Variants in NLRC5 observed in about 807,000 individuals in gnomAD.
NLRC5 encodes the protein protein NLRC5.
Under a neutral mutation model 206.9 loss-of-function variants are expected in NLRC5, and 114 were observed. The ratio of observed to expected loss-of-function variants is 0.55; its 90% CI spans 0.47 to 0.64. NLRC5 has a LOEUF of 0.64. NLRC5 is among the 30% of genes least tolerant of loss of function. The probability of loss-of-function intolerance (pLI) is 0.00; values close to 1 mark genes in which losing one functional copy is unlikely to be tolerated. For synonymous variants in NLRC5, 952 were observed against 962.8 expected (o/e 0.99, Z 0.21); for missense variants, 2,008 against 2,305.5 (o/e 0.87, Z 2.64).
At chr16:57,076,063 A>G in intron 39 of NLRC5, 1 of 198,188 alleles carries the variant, frequency 5.0e-6, no homozygotes, top group South Asian at 5.3e-5. Context: ...ACAGGTATGC[A>G]CCACCACGCC....
chr16:57,041,944 C>A (rs866223606), intron 18 of NLRC5, 38 bp from the exon 19 acceptor site: 24 of 1,428,042 alleles, frequency 1.7e-5, no homozygotes, highest in Middle Eastern at 3.6e-4. Flanking sequence ...CCACTCCCCA[C>A]CTGCTAATGT....
chr16:57,065,892 G>T (rs1012155115), intron 33 of NLRC5, among the ~76,000 whole-genome samples: 1 of 152,184 alleles, frequency 6.6e-6, no homozygotes, highest in Admixed American at 6.5e-5. Context: ...CCAGGAGTGA[G>T]CAAGGGGATG....
At chr16:57,058,406 C>A (rs140840851) in intron 28 of NLRC5, 8 of 515,910 alleles carry the variant, frequency 1.6e-5, no homozygotes, top group African/African-American at 1.5e-4. Flanking sequence ...CACACCCCTA[C>A]AGCCAAACTG....
chr16:57,050,191 G>A (rs1165386238), intron 23 of NLRC5, among the ~76,000 whole-genome samples: 3 of 152,018 alleles, frequency 2.0e-5, no homozygotes, highest in South Asian at 2.1e-4. Flanking sequence ...GACACCATAC[G>A]GGATGTGTTT....
intron 1 of NLRC5, among the ~76,000 whole-genome samples, chr16:56,999,695 A>G (rs291042): frequency 0.72 from 109,035 of 152,252 alleles, 39,782 homozygotes; most frequent in South Asian, 0.79. Flanking sequence ...GAAGGGGATA[A>G]AGCTGAGTGT....
At chr16:57,025,295 A>C in intron 5 of NLRC5, 73 bp from the exon 6 acceptor site, 2 of 1,497,298 alleles carry the variant, frequency 1.3e-6, no homozygotes, top group Non-Finnish European at 1.8e-6. Flanking sequence ...CCAACAGCCC[A>C]ATACTGGGGC....
rs1173493211 is a variant in NLRC5 at position 57,026,219 on chromosome 16, G to T, written c.1276G>T (p.Gly426Cys). 1 of 1,613,614 alleles carries T rather than the reference G, an allele frequency of 6.2e-7. No individual in the cohort carries two copies. The highest frequency in any genetic ancestry group is 8.5e-7 in the Non-Finnish European group (1 of 1,180,030). Reference sequence around the variant, plus strand: ...CCATCTGCTTCCTGACCACGCCCCAGGCCAGTCTGTGGCCCTCCTGCCCAA... The same window carrying T: ...CCATCTGCTTCCTGACCACGCCCCATGCCAGTCTGTGGCCCTCCTGCCCAA... ...LHHLLPDHAPGQSVALLPNMT... is the reference protein window; with the variant it reads ...LHHLLPDHAPCQSVALLPNMT... Residue 426 changes from glycine (G) to cysteine (C), a missense_variant, in exon 6 of 49, where the codon GGC becomes TGC. Gly to Cys is a radical substitution (Grantham distance 159). Coordinates refer to ENST00000688547, the MANE Select transcript of NLRC5 (RefSeq NM_001384950.1).
At chr16:57,080,346 T>A (rs2145151816) in intron 46 of NLRC5, among the ~76,000 whole-genome samples, 1 of 152,254 alleles carries the variant, frequency 6.6e-6, no homozygotes, top group East Asian at 1.9e-4. Context: ...AAACCCAACA[T>A]CTTAGGAAGG....
intron 20 of NLRC5, among the ~76,000 whole-genome samples, chr16:57,044,037 G>A (rs900049069): frequency 4.0e-5 from 6 of 151,778 alleles, no homozygotes; most frequent in African/African-American, 9.7e-5. Flanking sequence ...GGTGGCTCAC[G>A]CCTGTAATCC....
At chr16:57,036,511 C>T (rs2062597833) in intron 14 of NLRC5, among the ~76,000 whole-genome samples, 2 of 151,940 alleles carry the variant, frequency 1.3e-5, no homozygotes, top group South Asian at 4.2e-4. Context: ...TGGGATGTTG[C>T]ACTGTGGAGG....
intron 21 of NLRC5, 51 bp from the exon 22 acceptor site, chr16:57,046,501 G>C: frequency 6.7e-7 from 1 of 1,497,580 alleles, no homozygotes; most frequent in Admixed American, 1.7e-5. Context: ...GCTGGGCTGG[G>C]AGTCCGAGGG....
chr16:57,053,756 C>G (rs964904467), intron 24 of NLRC5, among the ~76,000 whole-genome samples: 3 of 152,066 alleles, frequency 2.0e-5, no homozygotes, highest in Non-Finnish European at 4.4e-5. Flanking sequence ...CTCAAACTCC[C>G]GACCTCAAGT....
chr16:57,009,565 C>T lies in NLRC5; in HGVS notation c.-127-7509C>T, dbSNP rs951229063. Among the ~76,000 whole-genome samples, 4 of 152,002 alleles carry T rather than the reference C, an allele frequency of 2.6e-5. No individual in the cohort carries two copies. In the East Asian group the frequency reaches 5.8e-4, roughly 22 times the overall value. ...CTGAGATCACGCCACTGCACTCCAG[C>T]CTGGGCGACAGAGTGAGACTCCATT... On this transcript the variant is annotated intron_variant, in intron 1 of 48. Transcript: ENST00000688547.
At chr16:57,081,779 G>A (rs918266626) in intron 48 of NLRC5, among the ~76,000 whole-genome samples, 169 bp downstream of exon 48, 5 of 152,206 alleles carry the variant, frequency 3.3e-5, no homozygotes, top group Admixed American at 3.3e-4. Flanking sequence ...TCAAACCCCA[G>A]CTCTGCCACT....
intron 20 of NLRC5, 51 bp downstream of exon 20, chr16:57,043,655 G>T: frequency 6.9e-7 from 1 of 1,456,442 alleles, no homozygotes; most frequent in South Asian, 1.1e-5. Flanking sequence ...CATCCCACAG[G>T]TCATCTGCTC....
intron 1 of NLRC5, among the ~76,000 whole-genome samples, chr16:57,001,271 C>G (rs985137993): frequency 6.6e-6 from 1 of 152,212 alleles, no homozygotes; most frequent in Non-Finnish European, 1.5e-5. Flanking sequence ...GTATTTCTGT[C>G]CAAATGTCTG....
At chr16:57,028,553 C>G (rs376889948) in intron 8 of NLRC5, among the ~76,000 whole-genome samples, 168 bp downstream of exon 8, 4 of 152,134 alleles carry the variant, frequency 2.6e-5, no homozygotes, top group Admixed American at 6.5e-5. Context: ...AGTCCAAACC[C>G]AAGGCTCCCA....
chr16:56,992,479 A>AT (rs755481062), intron 1 of NLRC5: 8,701 of 143,832 alleles, frequency 0.06, 348 homozygotes, highest in South Asian at 0.15. Context: ...ATTTTATTTT[A>AT]TTTTTTTTTT....
Position 57,040,651 on chromosome 16 carries a change from G to C in NLRC5, c.2872G>C (p.Ala958Pro). Residue 958 changes from alanine to proline, a missense_variant and splice_region_variant, in exon 17 of 49, where the codon GCT (alanine) becomes CCT (proline). Physicochemically the swap from Ala to Pro is conservative, Grantham distance 27. Coordinates refer to ENST00000688547, the MANE Select transcript of NLRC5 (RefSeq NM_001384950.1). ...PEEQKGPQER[A>P]AFLDSLMLQM... The stretch of plus-strand genomic sequence containing the variant: ...CTGGCCTTGGTGATGTCCCTCCAGG[G>C]CTGCATTTCTTGACAGCCTCATGCT... 1.2e-6 allele frequency: 2 copies of C among 1,614,086 alleles called. No individual in the cohort carries two copies. The highest frequency in any genetic ancestry group is 1.7e-6 in the Non-Finnish European group (2 of 1,179,964).
Sources: allele counts gnomAD v4.1 joint callset (sites outside exome capture counted in the v4.1 genomes callset), GRCh38; gene constraint gnomAD v4.1.1; transcripts MANE v1.5; gene names NCBI Gene and HGNC (gene_info 2026-07-23, HGNC 2026-07-21).